Variants in NRXN3 observed in about 807,000 individuals in gnomAD.
NRXN3 encodes the protein neurexin 3, also known as neurexin III.
In NRXN3, 32 loss-of-function variants were observed where a neutral mutation model predicts 137.6. The observed-to-expected ratio is 0.23, with a 90% CI of 0.18 to 0.31. NRXN3 has a LOEUF of 0.31. NRXN3 is among the 10% of genes least tolerant of loss of function. The pLI, the probability that NRXN3 is intolerant of heterozygous loss-of-function variation, is 1.00. For synonymous variants in NRXN3, 798 were observed against 784.5 expected (o/e 1.02, Z -0.29); for missense variants, 1,574 against 2,062.5 (o/e 0.76, Z 4.59).
chr14:78,653,155 A>G (rs1433483269), intron 6 of NRXN3, among the ~76,000 whole-genome samples: 1 of 152,172 alleles, frequency 6.6e-6, no homozygotes, highest in Non-Finnish European at 1.5e-5. Context: ...AAAGAGTGCT[A>G]TTATCTCTCT....
At chr14:79,386,863 A>G (rs1341101611) in intron 15 of NRXN3, among the ~76,000 whole-genome samples, 5 of 152,252 alleles carry the variant, frequency 3.3e-5, no homozygotes, top group Non-Finnish European at 5.9e-5. Context: ...AGGATTCCCT[A>G]TTTAATAAAT....
At chr14:78,388,273 A>G (rs1220360590) in intron 4 of NRXN3, among the ~76,000 whole-genome samples, 1 of 152,170 alleles carries the variant, frequency 6.6e-6, no homozygotes, top group African/African-American at 2.4e-5. Flanking sequence ...CTTTGACTAC[A>G]TTTAGGCTTA....
chr14:79,159,979 A>G (rs2060607854), intron 15 of NRXN3, among the ~76,000 whole-genome samples: 4 of 151,912 alleles, frequency 2.6e-5, no homozygotes, highest in Admixed American at 2.6e-4. Flanking sequence ...GAAATTGAAG[A>G]CACAGCATTA....
At chr14:79,374,544 C>T (rs1023041310) in intron 15 of NRXN3, among the ~76,000 whole-genome samples, 4 of 151,846 alleles carry the variant, frequency 2.6e-5, no homozygotes, top group African/African-American at 9.7e-5. Context: ...CATAATGTGG[C>T]TTACTTTCCA....
At position 79,069,375 on chromosome 14, in the gene NRXN3, A is replaced by C. The variant is rs1427028902; in HGVS notation, c.3262+81234A>C. ...AAGACATTAAGTAATTAATTAATTC[A>C]ATAACTATTTGCTGATCTGAACAAA... On this transcript the variant is annotated intron_variant, in intron 15 of 20. Transcript: ENST00000335750. Among the ~76,000 whole-genome samples, 8 of 152,110 alleles carry C rather than the reference A, an allele frequency of 5.3e-5. 1 individual carries two copies. The highest frequency in any genetic ancestry group is 1.4e-4 in the African/African-American group (6 of 41,426).
At chr14:78,880,251 A>C (rs960627470) in intron 10 of NRXN3, among the ~76,000 whole-genome samples, 1 of 140,912 alleles carries the variant, frequency 7.1e-6, no homozygotes, top group Non-Finnish European at 1.5e-5. Context: ...AAAAAAAAAA[A>C]AAAAAAAAAA....
Position 78,708,747 on chromosome 14 carries a change from C to T in NRXN3, c.1222-470C>T, listed in dbSNP as rs1262195064. On this transcript the variant is annotated intron_variant, in intron 6 of 20. Transcript: ENST00000335750. ...TGACAATTTCACTTAACAATGTGACCTGGAGAGCTTCCACATCAAAACCAA... is the reference window on the plus strand; with the variant it reads ...TGACAATTTCACTTAACAATGTGACTTGGAGAGCTTCCACATCAAAACCAA... Among the ~76,000 whole-genome samples the T allele has an allele frequency of 2.6e-5, 4 of 152,286 alleles. No homozygotes were observed. In the South Asian group the frequency reaches 6.2e-4, roughly 24 times the overall value.
chr14:79,230,176 AT>A (rs962541950), intron 15 of NRXN3, among the ~76,000 whole-genome samples: 1 of 150,984 alleles, frequency 6.6e-6, no homozygotes, highest in African/African-American at 2.4e-5. Flanking sequence ...GAAATATTTC[AT>A]TTTTTTTTCT....
In NRXN3 at chr14:78,651,150, A is replaced by G. The variant is rs776074690; in HGVS notation, c.1060-15A>G. 7 of 1,610,756 alleles carry G rather than the reference A, an allele frequency of 4.3e-6. No homozygotes were observed. Among genetic ancestry groups the G allele is most frequent in the East Asian group, 4.5e-5 (2 of 44,800 alleles). On this transcript the variant is annotated splice_polypyrimidine_tract_variant and intron_variant, in intron 5 of 20. Coordinates refer to ENST00000335750, the MANE Select transcript of NRXN3 (RefSeq NM_001330195.2). ...CATTGTTGGGATTTTTTTTGTCCCT[A>G]TGTCCCTCCACCAGGTGACAATCTC...
chr14:78,394,563 G>A (rs528436456), intron 4 of NRXN3, among the ~76,000 whole-genome samples: 2 of 151,648 alleles, frequency 1.3e-5, no homozygotes, highest in Non-Finnish European at 3.0e-5. Flanking sequence ...TCTCATTTTG[G>A]TATCACGATA....
At chr14:78,990,863 C>T (rs930118070) in intron 15 of NRXN3, among the ~76,000 whole-genome samples, 12 of 152,162 alleles carry the variant, frequency 7.9e-5, no homozygotes, top group African/African-American at 2.7e-4. Flanking sequence ...AGCAGCAAAG[C>T]CAGTTTGTTC....
intron 15 of NRXN3, among the ~76,000 whole-genome samples, chr14:79,065,987 C>CT (rs570497489): frequency 5.9e-5 from 9 of 152,076 alleles, no homozygotes; most frequent in Non-Finnish European, 1.3e-4. Context: ...TGCAGAAGCT[C>CT]TTTAGCTTAA....
chr14:78,463,774 T>C (rs2095004707), intron 4 of NRXN3, among the ~76,000 whole-genome samples: 1 of 116,382 alleles, frequency 8.6e-6, no homozygotes, highest in Non-Finnish European at 2.0e-5. Context: ...GTGGTTGTTG[T>C]TGGGATTTTT....
chr14:79,597,245 T>C (rs2097867221), intron 16 of NRXN3, among the ~76,000 whole-genome samples: 1 of 152,204 alleles, frequency 6.6e-6, no homozygotes, highest in South Asian at 2.1e-4. Flanking sequence ...AGAAAAATTA[T>C]TTTTCAGCCT....
intron 10 of NRXN3, among the ~76,000 whole-genome samples, chr14:78,880,830 A>G (rs1242625662): frequency 6.6e-6 from 1 of 152,194 alleles, no homozygotes; most frequent in Non-Finnish European, 1.5e-5. Context: ...CTTTACAGGC[A>G]TTATTCATTT....
At chr14:79,401,669 G>A (rs983107974) in intron 15 of NRXN3, among the ~76,000 whole-genome samples, 61 of 151,990 alleles carry the variant, frequency 4.0e-4, no homozygotes, top group Non-Finnish European at 1.9e-4. Flanking sequence ...TTTGAGGGAG[G>A]TGTTGCTCTT....
At chr14:79,764,173 G>GGC (rs879294529) in intron 19 of NRXN3, among the ~76,000 whole-genome samples, 1 of 146,350 alleles carries the variant, frequency 6.8e-6, no homozygotes, top group African/African-American at 2.5e-5. Context: ...GGTGGGGGGG[G>GGC]TGTTAAGATC....
At chr14:79,136,004 T>C (rs1202505831) in intron 15 of NRXN3, among the ~76,000 whole-genome samples, 2 of 152,220 alleles carry the variant, frequency 1.3e-5, no homozygotes, top group Admixed American at 1.3e-4. Context: ...TAGTATCTGA[T>C]TGACTTTGTC....
At chr14:78,856,423 A>G (rs1036626973) in intron 10 of NRXN3, among the ~76,000 whole-genome samples, 1 of 152,194 alleles carries the variant, frequency 6.6e-6, no homozygotes, top group Non-Finnish European at 1.5e-5. Flanking sequence ...TTATAAAGTA[A>G]CTAATGTAAA....
Sources: gnomAD v4.1 joint callset for allele counts (sites outside exome capture counted in the v4.1 genomes callset) on GRCh38, gnomAD v4.1.1 for gene constraint, MANE v1.5 for transcripts, NCBI Gene and HGNC (gene_info 2026-07-23, HGNC 2026-07-21) for gene names.